The following MSANTD7 variants were observed in gnomAD, a reference collection of about 807,000 sequenced individuals.
The protein encoded by MSANTD7 is zinc finger and SCAN domain containing 29.
At chr10:14,842,855 C>T in the MSANTD7 span, 1 of 1,508,442 alleles carries the variant, frequency 6.6e-7, no homozygotes, top group Middle Eastern at 1.7e-4. This position sits in a 1 kb window ranked among gnomAD's most constrained non-coding sequence, Gnocchi z 5.2. Flanking sequence ...AGGTAACTCC[C>T]AAGCATGTGA....
the MSANTD7 span, chr10:14,842,634 G>C: frequency 6.5e-7 from 1 of 1,536,186 alleles, no homozygotes; most frequent in Admixed American, 2.0e-5. The surrounding 1 kb of genome is among the most constrained non-coding windows in gnomAD (Gnocchi z 5.2). Context: ...GATGCTGCTT[G>C]GGCCAAGCAC....
chr10:14,843,771 G>A, the MSANTD7 span: 1 of 1,536,368 alleles, frequency 6.5e-7, no homozygotes, highest in Non-Finnish European at 8.7e-7. Flanking sequence ...CTGCCAATGA[G>A]CTCCGCAGGG....
At chr10:14,842,003 C>T in the MSANTD7 span, 2 of 594,944 alleles carry the variant, frequency 3.4e-6, no homozygotes, top group Non-Finnish European at 5.9e-6. The surrounding 1 kb of genome is among the most constrained non-coding windows in gnomAD (Gnocchi z 5.2). Context: ...TGGGTGAACT[C>T]CCAAAGTTGG....
chr10:14,838,332 C>T, the MSANTD7 span: 1 of 1,466,648 alleles, frequency 6.8e-7, no homozygotes, highest in South Asian at 1.2e-5. Context: ...CCTGATGGGG[C>T]CGTTGGGCGG....
At chr10:14,845,240 G>C in the MSANTD7 span, 1 of 985,032 alleles carries the variant, frequency 1.0e-6, no homozygotes. Context: ...GATTTACTTA[G>C]TACTTTTAGG....
At chr10:14,840,000 A>AT in the MSANTD7 span, 1 of 1,585,166 alleles carries the variant, frequency 6.3e-7, no homozygotes, top group Non-Finnish European at 8.6e-7. Context: ...TAGTCCCCCC[A>AT]TTTTTGTACT....
the MSANTD7 span, chr10:14,838,700 G>A: frequency 2.1e-6 from 1 of 480,696 alleles, no homozygotes; most frequent in Non-Finnish European, 3.7e-6. Flanking sequence ...GGGGTCCCAG[G>A]GCGTCATGGC....
At chr10:14,842,640 A>G in the MSANTD7 span, 1 of 1,536,242 alleles carries the variant, frequency 6.5e-7, no homozygotes, top group African/African-American at 1.4e-5. The surrounding 1 kb of genome is among the most constrained non-coding windows in gnomAD (Gnocchi z 5.2). Flanking sequence ...GCTTGGGCCA[A>G]GCACTGTGAT....
the MSANTD7 span, chr10:14,842,307 C>G: frequency 2.6e-6 from 4 of 1,535,744 alleles, no homozygotes; most frequent in Non-Finnish European, 3.5e-6. The surrounding 1 kb of genome is among the most constrained non-coding windows in gnomAD (Gnocchi z 5.2). Context: ...AATAGCAGTG[C>G]GGGCATCCGG....
chr10:14,842,127 C>A, the MSANTD7 span: 3 of 1,530,834 alleles, frequency 2.0e-6, no homozygotes, highest in Non-Finnish European at 1.7e-6. This position sits in a 1 kb window ranked among gnomAD's most constrained non-coding sequence, Gnocchi z 5.2. Context: ...CCCCTGTGGC[C>A]TTCCAGCCAG....
chr10:14,845,974 T>C, the MSANTD7 span: 1 of 927,602 alleles, frequency 1.1e-6, no homozygotes, highest in African/African-American at 1.8e-5. Flanking sequence ...AAAGACAAAA[T>C]GAAAACGAAA....
chr10:14,838,985 A>C, the MSANTD7 span, among the ~76,000 whole-genome samples: 1 of 152,096 alleles, frequency 6.6e-6, no homozygotes, highest in East Asian at 1.9e-4. Context: ...AGGGCCGCAG[A>C]ACGCGCTGAG....
the MSANTD7 span, chr10:14,838,355 G>C: frequency 6.4e-7 from 1 of 1,555,724 alleles, no homozygotes; most frequent in Non-Finnish European, 8.7e-7. Flanking sequence ...GGTAGCTGTT[G>C]CTGTTGGGGG....
the MSANTD7 span, chr10:14,842,258 C>T: frequency 7.2e-6 from 11 of 1,534,964 alleles, no homozygotes; most frequent in Non-Finnish European, 9.6e-6. This position sits in a 1 kb window ranked among gnomAD's most constrained non-coding sequence, Gnocchi z 5.2. Flanking sequence ...TGTCCAGAAG[C>T]TGCCTAGCCC....
At chr10:14,845,151 G>A in the MSANTD7 span, 1 of 985,390 alleles carries the variant, frequency 1.0e-6, no homozygotes, top group Non-Finnish European at 1.2e-6. Context: ...GAGAGATGAA[G>A]GTGATAAGCC....
At chr10:14,844,846 C>T in the MSANTD7 span, 11 of 985,400 alleles carry the variant, frequency 1.1e-5, no homozygotes, top group Non-Finnish European at 1.3e-5. Context: ...AGTTTCCCAT[C>T]CGCTTTTTAG....
the MSANTD7 span, chr10:14,844,131 C>G: frequency 2.2e-6 from 3 of 1,339,446 alleles, no homozygotes; most frequent in Non-Finnish European, 2.9e-6. Context: ...ACGTTCTAGA[C>G]AGCTGGTTCA....
At chr10:14,842,494 G>A in the MSANTD7 span, 1 of 1,536,148 alleles carries the variant, frequency 6.5e-7, no homozygotes, top group Middle Eastern at 1.7e-4. This position sits in a 1 kb window ranked among gnomAD's most constrained non-coding sequence, Gnocchi z 5.2. Flanking sequence ...AAGTTCTGAA[G>A]GCATTATATT....
chr10:14,841,809 C>T, the MSANTD7 span, among the ~76,000 whole-genome samples: 36 of 152,334 alleles, frequency 2.4e-4, no homozygotes, highest in East Asian at 5.0e-3. Context: ...ATTGCTATAC[C>T]GTGGTCATGC....
Sources: gnomAD v4.1 joint callset for allele counts (sites outside exome capture counted in the v4.1 genomes callset) on GRCh38, gnomAD v4.1.1 for gene constraint, Gnocchi (gnomAD v3.1) non-coding constraint, MANE v1.5 for transcripts, NCBI Gene and HGNC (gene_info 2026-07-23, HGNC 2026-07-21) for gene names.